The following DIAPH2 variants were observed in gnomAD, a reference collection of about 807,000 sequenced individuals.
DIAPH2 encodes diaphanous related formin 2, also known as protein diaphanous homolog 2.
A neutral mutation model predicts 92.7 loss-of-function variants in DIAPH2; 35 were observed. That is an observed-to-expected ratio of 0.38 (90% CI 0.29 to 0.50). The LOEUF (loss-of-function observed/expected upper bound fraction) is 0.50, where lower values mean the gene tolerates loss of function less well. Ranked by LOEUF, DIAPH2 falls within the 20% of genes least tolerant of loss-of-function variation. The pLI, the probability that DIAPH2 is intolerant of heterozygous loss-of-function variation, is 0.94. For missense variants in DIAPH2, 701 were observed against 819.5 expected (o/e 0.86, Z 1.77); for synonymous variants, 301 against 280.4 (o/e 1.07, Z -0.73).
In DIAPH2 at chrX:96,948,916, T is replaced by C. The variant is rs746122623; in HGVS notation, c.1510-19T>C. 9.2e-7 allele frequency: 1 copy of C among 1,087,967 alleles called. No individual in the cohort carries two copies. The highest frequency in any genetic ancestry group is 2.4e-5 in the Admixed American group (1 of 41,458). 89.7% of individuals were successfully genotyped at this position (1,087,967 alleles called of 1,213,427 possible). On this transcript the variant is annotated intron_variant, in intron 14 of 26. Coordinates refer to ENST00000324765, the MANE Select transcript of DIAPH2 (RefSeq NM_006729.5). ...TGAAAACTATATTATTAACTGTACATTGATGGTGATCATTGCAGTTCGATG... is the reference window on the plus strand; with the variant it reads ...TGAAAACTATATTATTAACTGTACACTGATGGTGATCATTGCAGTTCGATG...
chrX:97,494,067 T>TTA (rs2070742078), intron 26 of DIAPH2, among the ~76,000 whole-genome samples: 2 of 104,258 alleles, frequency 1.9e-5, no homozygotes, highest in Non-Finnish European at 3.9e-5. Context: ...AAAAACATAT[T>TTA]TATATATATG....
chrX:97,468,638 G>GA (rs10534345), intron 26 of DIAPH2, among the ~76,000 whole-genome samples: 3 of 89,647 alleles, frequency 3.3e-5, no homozygotes, highest in African/African-American at 8.4e-5. Flanking sequence ...AGGTCTTTGT[G>GA]AAAAAAAAAA....
At chrX:97,484,410 A>T (rs922961733) in intron 26 of DIAPH2, among the ~76,000 whole-genome samples, 2 of 112,342 alleles carry the variant, frequency 1.8e-5, no homozygotes, top group African/African-American at 6.5e-5. Context: ...AACATAACGA[A>T]TATAAAACAC....
At chrX:96,997,662 T>A (rs1290696635) in intron 17 of DIAPH2, among the ~76,000 whole-genome samples, 1 of 111,565 alleles carries the variant, frequency 9.0e-6, no homozygotes, top group Non-Finnish European at 1.9e-5. Context: ...CTTCATCTTA[T>A]GAGATTTTGT....
chrX:97,439,251 G>A (rs1013451168), intron 26 of DIAPH2, among the ~76,000 whole-genome samples: 17 of 110,956 alleles, frequency 1.5e-4, no homozygotes, highest in East Asian at 2.8e-4. Flanking sequence ...AACACAGGGC[G>A]ACCTTGTCTC....
At chrX:97,519,995 G>A (rs1389400265) in intron 26 of DIAPH2, among the ~76,000 whole-genome samples, 2 of 111,822 alleles carry the variant, frequency 1.8e-5, no homozygotes, top group Non-Finnish European at 3.8e-5. Flanking sequence ...ACAGGCGTGA[G>A]CCACAGCGTC....
intron 23 of DIAPH2, among the ~76,000 whole-genome samples, chrX:97,293,114 T>C (rs780568519): frequency 4.9e-4 from 54 of 111,139 alleles, no homozygotes; most frequent in African/African-American, 1.7e-3. Flanking sequence ...AAATCTACTC[T>C]TAGAGATTTT....
intron 1 of DIAPH2, among the ~76,000 whole-genome samples, chrX:96,721,513 A>G: frequency 8.9e-6 from 1 of 112,355 alleles, no homozygotes; most frequent in East Asian, 2.8e-4. Flanking sequence ...CTTTATACAC[A>G]AGCTAAGTTT....
intron 23 of DIAPH2, among the ~76,000 whole-genome samples, chrX:97,313,446 G>A (rs1304713115): frequency 2.7e-5 from 3 of 111,553 alleles, no homozygotes; most frequent in South Asian, 3.8e-4. Context: ...CTTTGTCATC[G>A]TGCTGCTTCT....
At chrX:97,025,162 C>T (rs1466739579) in intron 17 of DIAPH2, among the ~76,000 whole-genome samples, 1 of 109,300 alleles carries the variant, frequency 9.1e-6, no homozygotes, top group Non-Finnish European at 1.9e-5. Flanking sequence ...ACCAGCCTTG[C>T]CAACGTGGTG....
intron 22 of DIAPH2, among the ~76,000 whole-genome samples, chrX:97,220,238 T>C (rs772398706): frequency 9.0e-6 from 1 of 110,651 alleles, no homozygotes; most frequent in Non-Finnish European, 1.9e-5. Flanking sequence ...GCAGGTTTTT[T>C]TGTTTGTTTT....
chrX:97,185,495 A>ATC (rs2067594478), intron 22 of DIAPH2, among the ~76,000 whole-genome samples: 1 of 50,270 alleles, frequency 2.0e-5, no homozygotes, highest in Non-Finnish European at 3.3e-5. Flanking sequence ...ATATATATAT[A>ATC]TATATATATA....
intron 1 of DIAPH2, among the ~76,000 whole-genome samples, chrX:96,726,421 C>T (rs73250722): frequency 0.056 from 6,311 of 111,702 alleles, 195 homozygotes; most frequent in Middle Eastern, 0.17. Context: ...GGATTTGATA[C>T]GTGGAATGTG....
intron 23 of DIAPH2, among the ~76,000 whole-genome samples, chrX:97,285,010 A>C (rs1195182281): frequency 9.0e-6 from 1 of 111,681 alleles, no homozygotes; most frequent in Non-Finnish European, 1.9e-5. Flanking sequence ...ATCTTGCAGA[A>C]GTCATTAACC....
intron 2 of DIAPH2, among the ~76,000 whole-genome samples, chrX:96,736,454 G>C (rs904146006): frequency 1.8e-5 from 2 of 111,178 alleles, no homozygotes; most frequent in Non-Finnish European, 3.8e-5. Flanking sequence ...GCAGTGGCGC[G>C]ATCTCGGCTC....
intron 17 of DIAPH2, among the ~76,000 whole-genome samples, chrX:97,069,458 A>G (rs1165140208): frequency 1.8e-5 from 2 of 111,371 alleles, no homozygotes; most frequent in Admixed American, 1.9e-4. Context: ...CCTAAGCTAT[A>G]TATTTTATGG....
At chrX:97,542,487 G>C (rs1207703814) in intron 26 of DIAPH2, among the ~76,000 whole-genome samples, 2 of 112,359 alleles carry the variant, frequency 1.8e-5, no homozygotes, top group Non-Finnish European at 3.8e-5. Flanking sequence ...ATCAACATAG[G>C]TTTGATCATT....
chrX:97,293,522 A>T (rs777539183), intron 23 of DIAPH2, among the ~76,000 whole-genome samples: 101 of 111,122 alleles, frequency 9.1e-4, no homozygotes, highest in African/African-American at 3.2e-3. Context: ...AAGTGTTGGG[A>T]TTACAGGCGT....
At chrX:96,765,086 T>G (rs5949997) in intron 4 of DIAPH2, among the ~76,000 whole-genome samples, 1 of 110,267 alleles carries the variant, frequency 9.1e-6, no homozygotes, top group South Asian at 3.8e-4. Flanking sequence ...CTGTTACCAG[T>G]TATCTTGCTC....
Sources: gnomAD v4.1 joint callset for allele counts (sites outside exome capture counted in the v4.1 genomes callset) on GRCh38, gnomAD v4.1.1 for gene constraint, MANE v1.5 for transcripts, NCBI Gene and HGNC (gene_info 2026-07-23, HGNC 2026-07-21) for gene names.